SYN3: variants seen among roughly 807,000 people sequenced by gnomAD.
SYN3 encodes the protein synapsin III.
SYN3 carries 35 observed loss-of-function variants against 65.8 expected under a neutral mutation model. The ratio of observed to expected loss-of-function variants is 0.53; its 90% confidence interval spans 0.41 to 0.70. The LOEUF is 0.70. Ranked by LOEUF, SYN3 falls within the 30% of genes least tolerant of loss-of-function variation. The pLI is 0.00. For synonymous variants in SYN3, 270 were observed against 292.9 expected (o/e 0.92, Z 0.80); for missense variants, 680 against 749.0 (o/e 0.91, Z 1.08).
At chr22:32,811,761 A>C (rs2046922598) in intron 6 of SYN3, among the ~76,000 whole-genome samples, 1 of 152,118 alleles carries the variant, frequency 6.6e-6, no homozygotes, top group Non-Finnish European at 1.5e-5. Flanking sequence ...TGGCTTAGCC[A>C]TATAGCCAAT....
intron 4 of SYN3, among the ~76,000 whole-genome samples, chr22:32,920,567 G>A (rs1052707769): frequency 6.6e-6 from 1 of 152,192 alleles, no homozygotes; most frequent in African/African-American, 2.4e-5. Flanking sequence ...AAATACTGGT[G>A]ATTTAACCAA....
chr22:32,591,847 C>A (rs1008524584), intron 7 of SYN3, among the ~76,000 whole-genome samples: 1 of 152,166 alleles, frequency 6.6e-6, no homozygotes, highest in Non-Finnish European at 1.5e-5. Flanking sequence ...TGAAATCTTG[C>A]ACCACCCAGC....
chr22:32,679,048 C>CTTTTTTTTTTTTTTTTTTTTTT (rs145971116), intron 6 of SYN3, among the ~76,000 whole-genome samples: 3 of 85,658 alleles, frequency 3.5e-5, no homozygotes, highest in African/African-American at 5.0e-5. Context: ...TTGTTTCTTT[C>CTTTTTTTTTTTTTTTTTTTTTT]TTTTTTTTTT....
chr22:32,679,466 C>T (rs1037562813), intron 6 of SYN3, among the ~76,000 whole-genome samples: 9 of 152,132 alleles, frequency 5.9e-5, no homozygotes, highest in African/African-American at 2.2e-4. Context: ...CTTTGAGATC[C>T]TGATCTCAAT....
intron 6 of SYN3, among the ~76,000 whole-genome samples, chr22:32,612,671 G>A (rs2059461854): frequency 6.6e-6 from 1 of 151,962 alleles, no homozygotes; most frequent in South Asian, 2.1e-4. Context: ...GTAAGACCTT[G>A]TCTCTATAAA....
intron 6 of SYN3, among the ~76,000 whole-genome samples, chr22:32,700,386 G>T (rs2060795318): frequency 6.6e-6 from 1 of 152,136 alleles, no homozygotes; most frequent in African/African-American, 2.4e-5. Context: ...TCTCTGAGCT[G>T]ACATAATACG....
intron 4 of SYN3, among the ~76,000 whole-genome samples, chr22:32,922,812 C>T (rs1180295996): frequency 6.6e-6 from 1 of 152,146 alleles, no homozygotes; most frequent in Non-Finnish European, 1.5e-5. Context: ...CAGCTGCACA[C>T]ACCACACAGA....
intron 6 of SYN3, among the ~76,000 whole-genome samples, chr22:32,679,839 C>CTTTTTTTTTTTTTTTTTT (rs747116076): frequency 0.015 from 598 of 39,094 alleles, 108 homozygotes; most frequent in Non-Finnish European, 0.022. Context: ...TGTTTTTTGG[C>CTTTTTTTTTTTTTTTTTT]TTTTTTTTTT....
rs150557919 is a variant in SYN3 at position 32,553,347 on chromosome 22, A to G, written c.775-11634T>C. On this transcript the variant is annotated intron_variant, in intron 7 of 13. Transcript: ENST00000358763. ...ATCCGTTTTTAAATAAAGCTTATTA[A>G]TTACTTGAAAAAATTATATACAGAC... 3.4e-3 allele frequency among the ~76,000 whole-genome samples: 514 copies of G among 152,348 alleles called. 15 individuals are homozygous for G. The highest frequency in any genetic ancestry group is 0.01 in the East Asian group (52 of 5,186).
At chr22:32,840,232 CA>C (rs1345896015) in intron 6 of SYN3, among the ~76,000 whole-genome samples, 1 of 151,908 alleles carries the variant, frequency 6.6e-6, no homozygotes, top group Non-Finnish European at 1.5e-5. Context: ...CATTTCTTGC[CA>C]AAAAAACCTG....
chr22:32,800,375 G>A (rs1198691564), intron 6 of SYN3, among the ~76,000 whole-genome samples: 1 of 152,158 alleles, frequency 6.6e-6, no homozygotes, highest in African/African-American at 2.4e-5. Flanking sequence ...CTTCAGATGG[G>A]AAGGAGCAGT....
chr22:32,609,974 A>T (rs139372816), intron 6 of SYN3, among the ~76,000 whole-genome samples: 1 of 152,250 alleles, frequency 6.6e-6, no homozygotes, highest in East Asian at 1.9e-4. Context: ...TGTGAAGGAA[A>T]CTAGTCATAA....
At chr22:32,935,418 T>G (rs2050745808) in intron 3 of SYN3, among the ~76,000 whole-genome samples, 1 of 151,912 alleles carries the variant, frequency 6.6e-6, no homozygotes, top group Non-Finnish European at 1.5e-5. Context: ...CACCACAAAT[T>G]ATTTTGACCT....
At chr22:32,955,511 T>C (rs1425808685) in intron 3 of SYN3, among the ~76,000 whole-genome samples, 2 of 152,202 alleles carry the variant, frequency 1.3e-5, no homozygotes. Context: ...TAAAGATTTT[T>C]ATGTTTTTCA....
At chr22:32,939,813 C>T (rs1015857337) in intron 3 of SYN3, among the ~76,000 whole-genome samples, 19 of 152,270 alleles carry the variant, frequency 1.2e-4, no homozygotes, top group Non-Finnish European at 1.8e-4. Flanking sequence ...AGCTGCTATG[C>T]ACCTTCTTAT....
chr22:32,535,088 A>G (rs2058141192), intron 9 of SYN3, among the ~76,000 whole-genome samples: 1 of 152,170 alleles, frequency 6.6e-6, no homozygotes, highest in African/African-American at 2.4e-5. Context: ...GGAAGGTTTT[A>G]ACCCATCTTA....
intron 6 of SYN3, among the ~76,000 whole-genome samples, chr22:32,633,148 G>A (rs561212520): frequency 3.3e-5 from 5 of 152,350 alleles, no homozygotes; most frequent in South Asian, 2.1e-4. Context: ...GGGATTTGAC[G>A]TCATGTACGG....
chr22:32,650,417 C>T (rs1434122930), intron 6 of SYN3, among the ~76,000 whole-genome samples: 1 of 151,894 alleles, frequency 6.6e-6, no homozygotes, highest in Non-Finnish European at 1.5e-5. Context: ...CAGGTGTGTA[C>T]CTCCATGCCT....
intron 6 of SYN3, among the ~76,000 whole-genome samples, chr22:32,711,810 A>G (rs1214231775): frequency 1.3e-5 from 2 of 152,200 alleles, no homozygotes; most frequent in East Asian, 3.9e-4. Context: ...CTTGAATAAT[A>G]CCAAGTTCAA....
Sources: gnomAD v4.1 joint callset for allele counts (sites outside exome capture counted in the v4.1 genomes callset) on GRCh38, gnomAD v4.1.1 for gene constraint, MANE v1.5 for transcripts, NCBI Gene and HGNC (gene_info 2026-07-23, HGNC 2026-07-21) for gene names.